EEPD1: variants seen among roughly 807,000 people sequenced by gnomAD.
EEPD1 encodes the protein endonuclease/exonuclease/phosphatase family domain-containing protein 1.
A neutral mutation model predicts 46.3 loss-of-function variants in EEPD1; 17 were observed. That is an observed-to-expected ratio of 0.37 (90% CI 0.25 to 0.55). The LOEUF (loss-of-function observed/expected upper bound fraction) is 0.55. Among genes scored for constraint, EEPD1 ranks in the 20% least tolerant of loss-of-function variants. The pLI, the probability that EEPD1 is intolerant of heterozygous loss-of-function variation, is 0.83. For synonymous variants in EEPD1, 313 were observed against 315.6 expected (o/e 0.99, Z 0.09); for missense variants, 673 against 745.6 (o/e 0.90, Z 1.13).
chr7:36,296,875 G>A lies in EEPD1; in HGVS notation c.1316-118G>A, dbSNP rs901390333. 3.1e-6 allele frequency: 3 copies of A among 972,908 alleles called. No homozygotes were observed. In the African/African-American group the frequency reaches 4.9e-5, roughly 16 times the overall value. 60.3% of individuals were successfully genotyped at this position (972,908 alleles called of 1,614,324 possible). On this transcript the variant is annotated intron_variant, in intron 6 of 7. Coordinates refer to ENST00000242108, the MANE Select transcript of EEPD1 (RefSeq NM_030636.3). ...TGAGGAGAGTGAGAACCATGCCACAGTACTAACCCCATGGGAGTCAAGTCA... is the reference window on the plus strand; with the variant it reads ...TGAGGAGAGTGAGAACCATGCCACAATACTAACCCCATGGGAGTCAAGTCA...
At chr7:36,205,405 T>G (rs1248158570) in intron 2 of EEPD1, among the ~76,000 whole-genome samples, 5 of 152,248 alleles carry the variant, frequency 3.3e-5, no homozygotes, top group Non-Finnish European at 7.3e-5. Context: ...TTCATCTCCT[T>G]ACACATTGTA....
intron 3 of EEPD1, 101 bp downstream of exon 3, chr7:36,239,137 A>C: frequency 8.7e-7 from 1 of 1,151,152 alleles, no homozygotes; most frequent in Admixed American, 2.2e-5. Flanking sequence ...CCCTACTGAA[A>C]AGACGGTCAG....
At chr7:36,213,573 T>A (rs2115730365) in intron 2 of EEPD1, among the ~76,000 whole-genome samples, 1 of 151,756 alleles carries the variant, frequency 6.6e-6, no homozygotes, top group East Asian at 1.9e-4. Flanking sequence ...ATAGAGGAGG[T>A]CGGAAAGAGC....
At chr7:36,281,886 G>A (rs17274824) in intron 4 of EEPD1, among the ~76,000 whole-genome samples, 1,940 of 152,228 alleles carry the variant, frequency 0.013, 19 homozygotes, top group Non-Finnish European at 0.019. Flanking sequence ...TCCTATAAAT[G>A]CAGATTTTTA....
chr7:36,198,396 T>A (rs1583803577), intron 2 of EEPD1, among the ~76,000 whole-genome samples: 1 of 94,690 alleles, frequency 1.1e-5, no homozygotes, highest in Non-Finnish European at 2.3e-5. Context: ...CAAAACTGGT[T>A]AATAAAACTT....
intron 3 of EEPD1, among the ~76,000 whole-genome samples, chr7:36,265,095 G>T (rs540561384): frequency 2.7e-4 from 41 of 152,264 alleles, no homozygotes; most frequent in African/African-American, 9.6e-4. Flanking sequence ...GAGCAGAGCC[G>T]GCTGCATAAA....
intron 2 of EEPD1, chr7:36,231,213 C>CT (rs1226824882): frequency 6.6e-6 from 1 of 152,446 alleles, no homozygotes; most frequent in Non-Finnish European, 1.5e-5. Flanking sequence ...GTCTTCTGTG[C>CT]TGTCAGTGTC....
At chr7:36,277,719 A>AT (rs1323246044) in intron 3 of EEPD1, among the ~76,000 whole-genome samples, 1 of 152,232 alleles carries the variant, frequency 6.6e-6, no homozygotes, top group Admixed American at 6.5e-5. Context: ...GGTCATGAAA[A>AT]TTAGGACATA....
intron 6 of EEPD1, among the ~76,000 whole-genome samples, chr7:36,293,539 A>G (rs1206419407): frequency 6.6e-6 from 1 of 152,188 alleles, no homozygotes; most frequent in African/African-American, 2.4e-5. Flanking sequence ...TGATGCCCCA[A>G]GGGCTTTTTG....
intron 2 of EEPD1, among the ~76,000 whole-genome samples, chr7:36,184,576 T>C (rs1176815819): frequency 2.0e-5 from 3 of 152,094 alleles, no homozygotes; most frequent in African/African-American, 7.2e-5. Context: ...TCCTGAAGAG[T>C]GGCAGTCCCT....
chr7:36,207,237 G>A (rs896524709), intron 2 of EEPD1, among the ~76,000 whole-genome samples: 8 of 152,184 alleles, frequency 5.3e-5, no homozygotes, highest in Non-Finnish European at 1.2e-4. Context: ...TGGTTCGAAT[G>A]GTAGTGGGAA....
Position 36,193,713 on chromosome 7 carries a change from G to C in EEPD1, c.878+38511G>C, listed in dbSNP as rs1490146559. Among the ~76,000 whole-genome samples, 1 of 152,182 alleles carries C rather than the reference G, an allele frequency of 6.6e-6. No individual in the cohort carries two copies. The highest frequency in any genetic ancestry group is 2.4e-5 in the African/African-American group (1 of 41,438). On this transcript the variant is annotated intron_variant, in intron 2 of 7. Coordinates refer to ENST00000242108, the MANE Select transcript of EEPD1 (RefSeq NM_030636.3). The surrounding 1 kb of genome is among the most constrained non-coding windows in gnomAD (Gnocchi z 4.9). Reference sequence around the variant, plus strand: ...AGTCTTGATCAAGAAAATGTTCCTAGGGCTATGTTTCCAAGAGGAATTCAG... The same window carrying C: ...AGTCTTGATCAAGAAAATGTTCCTACGGCTATGTTTCCAAGAGGAATTCAG...
intron 2 of EEPD1, among the ~76,000 whole-genome samples, chr7:36,202,607 C>T (rs1053977390): frequency 1.3e-5 from 2 of 152,152 alleles, no homozygotes; most frequent in African/African-American, 4.8e-5. Context: ...CTGAATAATT[C>T]TCAGCTTGAT....
At chr7:36,245,309 T>C (rs1786622181) in intron 3 of EEPD1, among the ~76,000 whole-genome samples, 1 of 152,140 alleles carries the variant, frequency 6.6e-6, no homozygotes, top group African/African-American at 2.4e-5. Context: ...GTACTCAGTT[T>C]TCTCGTATTT....
At chr7:36,197,639 T>C (rs1204613666) in intron 2 of EEPD1, among the ~76,000 whole-genome samples, 2 of 152,174 alleles carry the variant, frequency 1.3e-5, no homozygotes, top group African/African-American at 2.4e-5. Context: ...CTCTGAAACA[T>C]GTGCTGTGTC....
At chr7:36,231,176 G>A (rs563054919) in intron 2 of EEPD1, 8 of 152,442 alleles carry the variant, frequency 5.2e-5, no homozygotes, top group African/African-American at 9.6e-5. Flanking sequence ...GTGCCCTCTG[G>A]CTTCTGTCAC....
intron 2 of EEPD1, among the ~76,000 whole-genome samples, chr7:36,194,166 T>C (rs1785534423): frequency 6.6e-6 from 1 of 152,164 alleles, no homozygotes; most frequent in African/African-American, 2.4e-5. Flanking sequence ...CAGTACTGAA[T>C]TTGGTAGTAT....
intron 2 of EEPD1, among the ~76,000 whole-genome samples, chr7:36,180,132 A>T (rs909185559): frequency 2.0e-5 from 3 of 152,212 alleles, no homozygotes; most frequent in African/African-American, 7.2e-5. Flanking sequence ...CTTTCCACCA[A>T]ATTAAGTTCA....
intron 2 of EEPD1, among the ~76,000 whole-genome samples, chr7:36,174,291 A>T (rs1785140450): frequency 6.6e-6 from 1 of 152,232 alleles, no homozygotes; most frequent in African/African-American, 2.4e-5. Flanking sequence ...TGCAATTAAG[A>T]ATCTTAATTG....
Sources: allele counts gnomAD v4.1 joint callset (sites outside exome capture counted in the v4.1 genomes callset), GRCh38; gene constraint gnomAD v4.1.1; non-coding constraint Gnocchi (gnomAD v3.1); transcripts MANE v1.5; gene names NCBI Gene and HGNC (gene_info 2026-07-23, HGNC 2026-07-21).